The following METTL15 variants were observed in gnomAD, a reference collection of about 807,000 sequenced individuals.
The protein encoded by METTL15 is 12S rRNA N(4)-cytidine methyltransferase METTL15.
A neutral mutation model predicts 38.3 loss-of-function variants in METTL15; 34 were observed. The ratio of observed to expected loss-of-function variants is 0.89; its 90% CI spans 0.68 to 1.18. METTL15 has a LOEUF of 1.18. METTL15 is among the 50% of genes most tolerant of loss of function. METTL15 has a pLI of 0.00. For missense variants in METTL15, 438 were observed against 498.4 expected (o/e 0.88, Z 1.15); for synonymous variants, 162 against 170.9 (o/e 0.95, Z 0.41).
chr11:28,306,292 G>A (rs1857080431), intron 6 of METTL15, among the ~76,000 whole-genome samples: 1 of 152,148 alleles, frequency 6.6e-6, no homozygotes, highest in South Asian at 2.1e-4. Flanking sequence ...TGATATAGTA[G>A]CAGTTTTCAC....
intron 3 of METTL15, among the ~76,000 whole-genome samples, chr11:28,115,293 T>G (rs1851892220): frequency 6.6e-6 from 1 of 151,906 alleles, no homozygotes; most frequent in African/African-American, 2.4e-5. Context: ...AGTTTTGCTC[T>G]TGTTGCCCAG....
intron 6 of METTL15, among the ~76,000 whole-genome samples, chr11:28,518,720 A>T (rs1851739790): frequency 6.6e-6 from 1 of 152,200 alleles, no homozygotes; most frequent in Non-Finnish European, 1.5e-5. Flanking sequence ...ACAATTTGAA[A>T]ACTGAATTAG....
chr11:28,351,189 G>T (rs1850038729), intron 3 of METTL15, among the ~76,000 whole-genome samples: 2 of 152,052 alleles, frequency 1.3e-5, no homozygotes, highest in African/African-American at 4.8e-5. Flanking sequence ...GCAGCTCACT[G>T]CAGCCTTCAC....
intron 6 of METTL15, 143 bp from the exon 7 acceptor site, chr11:28,330,253 A>G: frequency 1.5e-6 from 1 of 689,526 alleles, no homozygotes; most frequent in Non-Finnish European, 2.3e-6. Flanking sequence ...TAAGAGGGGG[A>G]AGTATGAATG....
intron 6 of METTL15, among the ~76,000 whole-genome samples, chr11:28,520,100 G>A (rs1439173039): frequency 6.6e-6 from 1 of 152,208 alleles, no homozygotes; most frequent in African/African-American, 2.4e-5. Context: ...AGCACTTTGG[G>A]AAGCTGAGGC....
At chr11:28,506,927 T>C (rs1189425245) in intron 6 of METTL15, among the ~76,000 whole-genome samples, 1 of 151,912 alleles carries the variant, frequency 6.6e-6, no homozygotes, top group Non-Finnish European at 1.5e-5. Context: ...GTATTTTTAA[T>C]AGAGATGGGG....
intron 5 of METTL15, among the ~76,000 whole-genome samples, chr11:28,407,787 C>T (rs1850686712): frequency 6.6e-6 from 1 of 152,016 alleles, no homozygotes; most frequent in Admixed American, 6.6e-5. Context: ...ATCATCTGAC[C>T]CAGCAATCCC....
chr11:28,376,797 C>T (rs1298592078), intron 5 of METTL15, among the ~76,000 whole-genome samples: 1 of 149,238 alleles, frequency 6.7e-6, no homozygotes, highest in African/African-American at 2.4e-5. Context: ...GCGGCTGGTA[C>T]CGGTTGTTCC....
intron 4 of METTL15, among the ~76,000 whole-genome samples, chr11:28,264,418 C>T (rs77273528): frequency 0.025 from 3,853 of 151,960 alleles, 175 homozygotes; most frequent in African/African-American, 0.088. Context: ...AATAATTACT[C>T]AAAAATCAAA....
At chr11:28,294,935 T>G (rs1249259925) in intron 5 of METTL15, among the ~76,000 whole-genome samples, 1 of 152,184 alleles carries the variant, frequency 6.6e-6, no homozygotes, top group Admixed American at 6.6e-5. Flanking sequence ...TAAAAACTGC[T>G]AAGTACATCC....
intron 5 of METTL15, among the ~76,000 whole-genome samples, chr11:28,380,039 G>T (rs867445556): frequency 2.1e-4 from 31 of 151,120 alleles, no homozygotes; most frequent in African/African-American, 6.8e-4. Flanking sequence ...CTCTTTTTTT[G>T]GTTTATTTCC....
In METTL15 at chr11:28,131,564, G is replaced by A. The variant is rs140848061; in HGVS notation, c.270+17960G>A. 4.4e-3 allele frequency among the ~76,000 whole-genome samples: 638 copies of A among 145,946 alleles called. 8 individuals are homozygous for A. Among genetic ancestry groups the A allele is most frequent in the African/African-American group, 0.015 (572 of 39,428 alleles). Reference sequence around the variant, plus strand: ...ACAAAAGATGCCTGATATTTCTCAGGTAAATGTTTATTTCTCTTATTTTTT... The same window carrying A: ...ACAAAAGATGCCTGATATTTCTCAGATAAATGTTTATTTCTCTTATTTTTT... On this transcript the variant is annotated intron_variant, in intron 3 of 6. Coordinates refer to ENST00000407364, the MANE Select transcript of METTL15 (RefSeq NM_001113528.2).
At chr11:28,196,114 T>TAATTGA (rs1851900102) in intron 3 of METTL15, among the ~76,000 whole-genome samples, 1 of 152,120 alleles carries the variant, frequency 6.6e-6, no homozygotes, top group Non-Finnish European at 1.5e-5. Context: ...CCTTATAATA[T>TAATTGA]AATTGAAATT....
chr11:28,453,487 A>T (rs1851140736), intron 6 of METTL15, among the ~76,000 whole-genome samples: 1 of 152,226 alleles, frequency 6.6e-6, no homozygotes, highest in African/African-American at 2.4e-5. Context: ...GTGTTAAAAA[A>T]ATCTTTATTC....
intron 4 of METTL15, among the ~76,000 whole-genome samples, chr11:28,233,269 A>G (rs1386754612): frequency 1.3e-5 from 2 of 152,120 alleles, no homozygotes; most frequent in South Asian, 2.1e-4. Context: ...AATTAAAAGA[A>G]GACTAAAGCT....
At chr11:28,409,199 G>A (rs954091556) in intron 5 of METTL15, among the ~76,000 whole-genome samples, 7 of 151,798 alleles carry the variant, frequency 4.6e-5, no homozygotes, top group East Asian at 1.9e-4. Context: ...TGGCTAACAT[G>A]GTGAAACCCC....
chr11:28,118,350 AT>A (rs772730247), intron 3 of METTL15, among the ~76,000 whole-genome samples: 17 of 152,334 alleles, frequency 1.1e-4, no homozygotes, highest in Admixed American at 3.3e-4. Flanking sequence ...TGAGAAAAAT[AT>A]CCTCTTTCTC....
rs1851759414 is a variant in METTL15, at chr11:28,520,903, G to A, written c.*425-5575G>A. ...TCTTTCAAGATTTCTGATGCTGCTG[G>A]ATTCTAACTTATGAAAACAGTTTAT... On this transcript the variant is annotated intron_variant and NMD_transcript_variant, in intron 6 of 7. Coordinates refer to the METTL15 transcript ENST00000532947. Among the ~76,000 whole-genome samples, 2 of 152,188 alleles carry A rather than the reference G, an allele frequency of 1.3e-5. 1 individual carries two copies. The highest frequency in any genetic ancestry group is 4.1e-4 in the South Asian group (2 of 4,826).
chr11:28,435,054 G>A (rs749654168), intron 6 of METTL15, among the ~76,000 whole-genome samples: 1 of 152,210 alleles, frequency 6.6e-6, no homozygotes, highest in Non-Finnish European at 1.5e-5. Context: ...AGATATAGCA[G>A]TTATGAAAAC....
Sources: allele counts gnomAD v4.1 joint callset (sites outside exome capture counted in the v4.1 genomes callset), GRCh38; gene constraint gnomAD v4.1.1; transcripts MANE v1.5; gene names NCBI Gene and HGNC (gene_info 2026-07-23, HGNC 2026-07-21).